PRKN: variants seen among roughly 807,000 people sequenced by gnomAD.
PRKN encodes the protein parkin RBR E3 ubiquitin protein ligase.
In PRKN, 56 loss-of-function variants were observed where a neutral mutation model predicts 59.5. The ratio of observed to expected loss-of-function variants is 0.94; its 90% CI spans 0.76 to 1.18. The LOEUF (loss-of-function observed/expected upper bound fraction) is 1.18, where lower values mean the gene tolerates loss of function less well. Ranked by LOEUF, PRKN falls within the 50% of genes most tolerant of loss-of-function variation. The pLI is 0.00. For missense variants in PRKN, 657 were observed against 596.4 expected (o/e 1.10, Z -1.06); for synonymous variants, 250 against 222.1 (o/e 1.13, Z -1.12).
chr6:162,028,748 G>A (rs938446291), intron 5 of PRKN, among the ~76,000 whole-genome samples: 17 of 152,218 alleles, frequency 1.1e-4, no homozygotes, highest in Admixed American at 8.5e-4. Context: ...CTACTAACCT[G>A]GAAGTGGATA....
chr6:162,065,107 T>C (rs1778274655), intron 4 of PRKN, among the ~76,000 whole-genome samples: 1 of 152,162 alleles, frequency 6.6e-6, no homozygotes, highest in Admixed American at 6.5e-5. Flanking sequence ...GAGAATTGGC[T>C]CACATGATCA....
chr6:161,542,329 G>A (rs189846404), intron 9 of PRKN, among the ~76,000 whole-genome samples: 37 of 152,240 alleles, frequency 2.4e-4, no homozygotes, highest in Admixed American at 2.4e-3. Context: ...AGGAGGGGTT[G>A]GCACCCCTCA....
At chr6:162,217,741 A>G (rs1777745598) in intron 3 of PRKN, among the ~76,000 whole-genome samples, 1 of 152,212 alleles carries the variant, frequency 6.6e-6, no homozygotes, top group African/African-American at 2.4e-5. Context: ...AGGAATATGT[A>G]AGATTCTACT....
rs1778367169 is a variant in PRKN, at chr6:162,066,993, G to A, written c.535-12819C>T. On this transcript the variant is annotated intron_variant, in intron 4 of 11. Transcript: ENST00000366898. ...CAGCTTCCCTTGCCTGACTGGCCAT[G>A]TAAGTGATGACCAACGGGATATAAC... Among the ~76,000 whole-genome samples, 4 of 152,166 alleles carry A rather than the reference G, an allele frequency of 2.6e-5. No homozygotes were observed. In the South Asian group the frequency reaches 8.3e-4, roughly 32 times the overall value.
In PRKN at chr6:162,503,097, A is replaced by G. The variant is rs138178169; in HGVS notation, c.8-59624T>C. On this transcript the variant is annotated intron_variant, in intron 1 of 11. Coordinates refer to ENST00000366898, the MANE Select transcript of PRKN (RefSeq NM_004562.3). ...ATGGATCATGTATTATTATTCCTCA[A>G]TGGCGAATTTGGCACCCTACAGAAA... 4.9e-4 allele frequency among the ~76,000 whole-genome samples: 72 copies of G among 147,332 alleles called. No individual in the cohort carries two copies. In the East Asian group the frequency reaches 0.014, roughly 28 times the overall value.
chr6:162,328,460 A>G (rs1783414114), intron 2 of PRKN, among the ~76,000 whole-genome samples: 1 of 152,174 alleles, frequency 6.6e-6, no homozygotes, highest in African/African-American at 2.4e-5. Flanking sequence ...CTTCACAGTA[A>G]TTCAAAAGCA....
At chr6:161,822,702 T>TA (rs1434604228) in intron 6 of PRKN, among the ~76,000 whole-genome samples, 1 of 152,164 alleles carries the variant, frequency 6.6e-6, no homozygotes, top group Non-Finnish European at 1.5e-5. Flanking sequence ...TTTTGGATGT[T>TA]ACAGTAACAA....
At chr6:161,504,206 C>G (rs966764055) in intron 9 of PRKN, among the ~76,000 whole-genome samples, 1 of 152,154 alleles carries the variant, frequency 6.6e-6, no homozygotes, top group South Asian at 2.1e-4. Flanking sequence ...TGGGCTGAAC[C>G]GAACCACAAG....
intron 6 of PRKN, among the ~76,000 whole-genome samples, chr6:161,944,869 C>T (rs1790022): frequency 0.56 from 84,419 of 151,998 alleles, 23,659 homozygotes; most frequent in Middle Eastern, 0.64. Flanking sequence ...CAGTGGCCTA[C>T]TTAATGCTAT....
At chr6:162,565,897 A>G (rs192069639) in intron 1 of PRKN, among the ~76,000 whole-genome samples, 1 of 152,338 alleles carries the variant, frequency 6.6e-6, no homozygotes, top group Admixed American at 6.5e-5. Flanking sequence ...AAGATATTCT[A>G]TGCTAATGGA....
At chr6:162,668,913 C>T (rs1779211924) in intron 1 of PRKN, among the ~76,000 whole-genome samples, 1 of 151,916 alleles carries the variant, frequency 6.6e-6, no homozygotes, top group Admixed American at 6.6e-5. Context: ...TGGTGGTGGC[C>T]CTGGTGGTGG....
intron 8 of PRKN, among the ~76,000 whole-genome samples, chr6:161,567,033 TTTTTTGTG>T (rs1283692306): frequency 8.9e-6 from 1 of 112,042 alleles, no homozygotes; most frequent in Non-Finnish European, 1.9e-5. Flanking sequence ...TTTTTTTTTT[TTTTTTGTG>T]TGTGTGTGTG....
At chr6:161,601,817 C>T (rs1040549721) in intron 7 of PRKN, among the ~76,000 whole-genome samples, 24 of 152,048 alleles carry the variant, frequency 1.6e-4, no homozygotes, top group Non-Finnish European at 3.2e-4. Flanking sequence ...CTCCTGACCT[C>T]GTGATCCGCC....
At chr6:162,199,659 C>T (rs149719704) in intron 4 of PRKN, among the ~76,000 whole-genome samples, 2,043 of 152,222 alleles carry the variant, frequency 0.013, 31 homozygotes, top group African/African-American at 0.037. Flanking sequence ...AGGAGAGCTG[C>T]CCAAGAACTG....
At chr6:162,612,192 C>CAAAAAAA (rs796515239) in intron 1 of PRKN, among the ~76,000 whole-genome samples, 5 of 64,846 alleles carry the variant, frequency 7.7e-5, no homozygotes, top group Non-Finnish European at 1.1e-4. Flanking sequence ...GACTCCATCT[C>CAAAAAAA]AAAAAAAAAA....
At chr6:161,792,994 G>A (rs2186809) in intron 6 of PRKN, among the ~76,000 whole-genome samples, 63,446 of 151,962 alleles carry the variant, frequency 0.42, 15,730 homozygotes, top group East Asian at 0.72. Context: ...CAAAGTGCAC[G>A]ACTGACAAAG....
At chr6:162,458,766 T>A (rs974796940) in intron 1 of PRKN, among the ~76,000 whole-genome samples, 1 of 151,836 alleles carries the variant, frequency 6.6e-6, no homozygotes, top group African/African-American at 2.4e-5. Flanking sequence ...AGAAAATGAA[T>A]AAAATTAAAT....
At chr6:162,557,225 A>G (rs1779643401) in intron 1 of PRKN, among the ~76,000 whole-genome samples, 1 of 152,224 alleles carries the variant, frequency 6.6e-6, no homozygotes, top group Non-Finnish European at 1.5e-5. Flanking sequence ...TGCCACACTT[A>G]ATCCCCTGTA....
At chr6:161,777,726 T>C (rs903588167) in intron 7 of PRKN, among the ~76,000 whole-genome samples, 15 of 142,498 alleles carry the variant, frequency 1.1e-4, no homozygotes, top group East Asian at 6.1e-4. Context: ...TATATACATA[T>C]ATATCTATAT....
Sources: allele counts gnomAD v4.1 joint callset (sites outside exome capture counted in the v4.1 genomes callset), GRCh38; gene constraint gnomAD v4.1.1; transcripts MANE v1.5; gene names NCBI Gene and HGNC (gene_info 2026-07-23, HGNC 2026-07-21).